HDAC11: variants seen among roughly 807,000 people sequenced by gnomAD.
HDAC11 encodes the protein histone deacetylase 11.
A neutral mutation model predicts 41.1 loss-of-function variants in HDAC11; 23 were observed. The observed-to-expected ratio is 0.56, with a 90% CI of 0.40 to 0.79. The LOEUF (loss-of-function observed/expected upper bound fraction) is 0.79, where lower values mean the gene tolerates loss of function less well. HDAC11 is among the 30% of genes least tolerant of loss of function. The pLI, the probability that HDAC11 is intolerant of heterozygous loss-of-function variation, is 0.00. For missense variants in HDAC11, 402 were observed against 477.3 expected, an observed-to-expected ratio of 0.84 and a Z score of 1.47; for synonymous variants, 187 against 186.6, an observed-to-expected ratio of 1.00 and a Z score of -0.02.
intron 9 of HDAC11, 92 bp downstream of exon 9, chr3:13,504,364 G>T: frequency 6.3e-7 from 1 of 1,584,234 alleles, no homozygotes; most frequent in South Asian, 1.1e-5. Context: ...GGGAGGAGAT[G>T]GACTGAAGCA....
At chr3:13,484,128 AT>A (rs963024660) in intron 3 of HDAC11, among the ~76,000 whole-genome samples, 8 of 151,730 alleles carry the variant, frequency 5.3e-5, no homozygotes, top group African/African-American at 1.5e-4. Flanking sequence ...TGCCTGGCTA[AT>A]TTTTTTTGTA....
chr3:13,501,819 T>C (rs1702379426), intron 6 of HDAC11, 52 bp from the exon 7 acceptor site: 1 of 1,558,316 alleles, frequency 6.4e-7, no homozygotes, highest in Non-Finnish European at 8.9e-7. Flanking sequence ...GCTGTAGGGC[T>C]GGGTCCTCTG....
chr3:13,503,610 A>G (rs1455387843), intron 8 of HDAC11, among the ~76,000 whole-genome samples: 1 of 152,262 alleles, frequency 6.6e-6, no homozygotes, highest in Non-Finnish European at 1.5e-5. Flanking sequence ...ATGAAAATGC[A>G]TTAAACTCAT....
At position 13,483,581 on chromosome 3, in the gene HDAC11, C is replaced by T. The variant is rs1701422869; in HGVS notation, c.252+17C>T. 6.6e-7 allele frequency: 1 copy of T among 1,518,616 alleles called. No individual in the cohort carries two copies. Among genetic ancestry groups the T allele is most frequent in the African/African-American group, 1.4e-5 (1 of 72,506 alleles). 94.1% of individuals were successfully genotyped at this position (1,518,616 alleles called of 1,614,324 possible). ...GAGCTCAAGGTACAGGATGTCGGGC[C>T]TGGGGGGCTGCGGGCCTGGGGCAGG... On this transcript the variant is annotated intron_variant, in intron 3 of 9. Transcript: ENST00000295757.
chr3:13,487,210 A>G (rs1701636826), intron 3 of HDAC11, among the ~76,000 whole-genome samples: 1 of 152,164 alleles, frequency 6.6e-6, no homozygotes, highest in African/African-American at 2.4e-5. Flanking sequence ...GCTGCAGCTC[A>G]GGAACATCTC....
Position 13,484,062 on chromosome 3 carries a change from AT to A in HDAC11, c.252+500del, listed in dbSNP as rs1701447230. Among the ~76,000 whole-genome samples, 4 of 152,102 alleles carry A rather than the reference AT, an allele frequency of 2.6e-5. No homozygotes were observed. The South Asian group carries it at 8.3e-4, about 32-fold the overall frequency. The stretch of plus-strand genomic sequence containing the variant: ...AACCTCCGCCTTCCGGGTTCAAGCA[AT>A]TATCCTGTCTCACCCTCCTGAGTGA... On this transcript the variant is annotated intron_variant, in intron 3 of 9. Transcript: ENST00000295757.
At chr3:13,504,379 C>CA in intron 9 of HDAC11, 89 bp from the exon 10 acceptor site, 1 of 1,581,542 alleles carries the variant, frequency 6.3e-7, no homozygotes, top group Non-Finnish European at 8.6e-7. Flanking sequence ...GAAGCAACAG[C>CA]AGTTTGGAGC....
At chr3:13,486,577 TTTTTTTTTTTTTTTTTTTG>T (rs1250931545) in intron 3 of HDAC11, among the ~76,000 whole-genome samples, 1 of 130,804 alleles carries the variant, frequency 7.6e-6, no homozygotes, top group Admixed American at 7.5e-5. Flanking sequence ...AGGTGTTTTT[TTTTTTTTTTTTTTTTTTTG>T]GAGAAGGAAT....
rs999985311 is a variant in HDAC11, at chr3:13,504,869, T to C, written c.*186T>C. 151 of 623,240 alleles carry C rather than the reference T, an allele frequency of 2.4e-4. No individual in the cohort carries two copies. The highest frequency in any genetic ancestry group is 3.6e-4 in the Non-Finnish European group (126 of 354,560). The allele number at this position is 623,240 out of a possible 1,614,324, so 38.6% of individuals were successfully genotyped here. A position where few individuals can be genotyped will look rare whatever the true frequency, so the allele number is the denominator to read the frequency against. On this transcript the variant is annotated 3_prime_UTR_variant, in exon 10 of 10. Coordinates refer to ENST00000295757, the MANE Select transcript of HDAC11 (RefSeq NM_024827.4). ...CTGGAAGCCAGAAGGGCTTGAGGCCTCTATGGGTGGGGGCAGAAGGCAGAG... is the reference window on the plus strand; with the variant it reads ...CTGGAAGCCAGAAGGGCTTGAGGCCCCTATGGGTGGGGGCAGAAGGCAGAG...
rs757905978 is a variant in HDAC11, at chr3:13,485,502, G to T, written c.252+1938G>T. 5.2e-4 allele frequency among the ~76,000 whole-genome samples: 79 copies of T among 152,232 alleles called. 1 individual carries two copies. Among genetic ancestry groups the T allele is most frequent in the Non-Finnish European group, 1.0e-3 (71 of 68,040 alleles). On this transcript the variant is annotated intron_variant, in intron 3 of 9. Coordinates refer to ENST00000295757, the MANE Select transcript of HDAC11 (RefSeq NM_024827.4). ...AGAATGGTGTGATTGAACCAGGCTG[G>T]GGGTGGGGGGCCTAGGTTCCAGGGC...
At chr3:13,490,652 T>C (rs1348131198) in intron 3 of HDAC11, among the ~76,000 whole-genome samples, 1 of 151,904 alleles carries the variant, frequency 6.6e-6, no homozygotes, top group African/African-American at 2.4e-5. Flanking sequence ...TGCTGGTATA[T>C]ACAATAATCA....
At chr3:13,494,657 C>T (rs1702012842) in intron 3 of HDAC11, among the ~76,000 whole-genome samples, 1 of 152,212 alleles carries the variant, frequency 6.6e-6, no homozygotes, top group Non-Finnish European at 1.5e-5. Context: ...TCCTTCCCGA[C>T]CATGAGTGGG....
intron 3 of HDAC11, among the ~76,000 whole-genome samples, chr3:13,489,317 AC>A (rs1701741176): frequency 1.3e-5 from 2 of 152,184 alleles, no homozygotes; most frequent in African/African-American, 4.8e-5. Flanking sequence ...ATGAAGGTTT[AC>A]CGCATGTGTT....
chr3:13,498,228 C>T (rs1574908980), intron 4 of HDAC11, among the ~76,000 whole-genome samples: 1 of 152,340 alleles, frequency 6.6e-6, no homozygotes, highest in African/African-American at 2.4e-5. Context: ...TTATTGTCAG[C>T]TCATATGTGA....
chr3:13,501,781 C>T, intron 6 of HDAC11, 90 bp from the exon 7 acceptor site: 1 of 1,215,336 alleles, frequency 8.2e-7, no homozygotes, highest in East Asian at 2.3e-5. Flanking sequence ...GGCCCCCCTC[C>T]CCGCCCCTCG....
At chr3:13,489,411 T>C (rs1039095773) in intron 3 of HDAC11, among the ~76,000 whole-genome samples, 2 of 152,260 alleles carry the variant, frequency 1.3e-5, no homozygotes, top group African/African-American at 4.8e-5. Flanking sequence ...GTGAGGCAAG[T>C]CCAACTTCAT....
chr3:13,481,157 G>T, intron 1 of HDAC11, 89 bp from the exon 2 acceptor site: 1 of 1,390,324 alleles, frequency 7.2e-7, no homozygotes, highest in South Asian at 1.4e-5. Context: ...CTGGGCAATG[G>T]CTGGTGGGTC....
At chr3:13,486,044 G>A (rs965713746) in intron 3 of HDAC11, among the ~76,000 whole-genome samples, 2 of 151,992 alleles carry the variant, frequency 1.3e-5, no homozygotes, top group Non-Finnish European at 2.9e-5. Context: ...GAGGCGGGCG[G>A]ATCACTTGAG....
At chr3:13,504,352 CAG>C (rs1491301894) in intron 9 of HDAC11, 80 bp downstream of exon 9, 16 of 1,587,324 alleles carry the variant, frequency 1.0e-5, no homozygotes, top group Non-Finnish European at 1.3e-5. Context: ...GGCCTCATGT[CAG>C]GGAGGAGATG....
Sources: gnomAD v4.1 joint callset for allele counts (sites outside exome capture counted in the v4.1 genomes callset) on GRCh38, gnomAD v4.1.1 for gene constraint, MANE v1.5 for transcripts, NCBI Gene and HGNC (gene_info 2026-07-23, HGNC 2026-07-21) for gene names.